The following ANKRD22 variants were observed in gnomAD, a reference collection of about 807,000 sequenced individuals.
ANKRD22 encodes the protein ankyrin repeat domain 22.
ANKRD22 carries 24 observed loss-of-function variants against 25.7 expected under a neutral mutation model. The ratio of observed to expected loss-of-function variants is 0.93; its 90% CI spans 0.68 to 1.31. The LOEUF (loss-of-function observed/expected upper bound fraction) is 1.31. Ranked by LOEUF, ANKRD22 falls within the 50% of genes most tolerant of loss-of-function variation. The probability of loss-of-function intolerance (pLI) is 0.00; values close to 1 mark genes in which losing one functional copy is unlikely to be tolerated. For synonymous variants in ANKRD22, 84 were observed against 84.3 expected (o/e 1.00, Z 0.02); for missense variants, 214 against 227.1 (o/e 0.94, Z 0.37).
chr10:88,834,970 G>C (rs1020063279), intron 1 of ANKRD22, among the ~76,000 whole-genome samples: 2 of 152,042 alleles, frequency 1.3e-5, no homozygotes, highest in Admixed American at 1.3e-4. Context: ...AGAAAGTTTT[G>C]CTAACACTGG....
chr10:88,831,245 CTT>C (rs545028620), intron 2 of ANKRD22, among the ~76,000 whole-genome samples: 13 of 152,204 alleles, frequency 8.5e-5, no homozygotes, highest in Non-Finnish European at 1.9e-4. Flanking sequence ...CACACATATT[CTT>C]CTCTTTCTTG....
intron 1 of ANKRD22, among the ~76,000 whole-genome samples, chr10:88,832,532 A>G (rs1843915739): frequency 1.3e-5 from 2 of 151,928 alleles, no homozygotes; most frequent in South Asian, 4.1e-4. Context: ...TTTACTAAAG[A>G]TAAAATGTCT....
chr10:88,850,712 T>G (rs1247811526), intron 1 of ANKRD22, among the ~76,000 whole-genome samples: 3 of 152,160 alleles, frequency 2.0e-5, no homozygotes, highest in Non-Finnish European at 4.4e-5. Context: ...CTAAAATCAC[T>G]GAGCAAGACA....
Position 88,820,280 on chromosome 10 carries a change from A to G in ANKRD22, c.*2661T>C. The stretch of plus-strand genomic sequence containing the variant: ...CAGAGATATGACGGTCCCTACAGCA[A>G]TGTGGACAGGAGGTCAGGACTGGCT... On this transcript the variant is annotated 3_prime_UTR_variant, in exon 6 of 6. Transcript: ENST00000371930. 4 of 1,551,988 alleles carry G rather than the reference A, an allele frequency of 2.6e-6. No homozygotes were observed. Among genetic ancestry groups the G allele is most frequent in the African/African-American group, 1.4e-5 (1 of 73,174 alleles).
chr10:88,825,013 ACAC>A (rs1843840707), intron 4 of ANKRD22, among the ~76,000 whole-genome samples: 1 of 74,978 alleles, frequency 1.3e-5, no homozygotes, highest in Admixed American at 1.5e-4. Flanking sequence ...TCTCTCTCTC[ACAC>A]ACACACACAC....
At position 88,821,037 on chromosome 10, in the gene ANKRD22, C is replaced by A. The variant is rs1843787661; in HGVS notation, c.*1904G>T. Among the ~76,000 whole-genome samples, 1 of 152,042 alleles carries A rather than the reference C, an allele frequency of 6.6e-6. No homozygotes were observed. The highest frequency in any genetic ancestry group is 2.4e-5 in the African/African-American group (1 of 41,394). On this transcript the variant is annotated 3_prime_UTR_variant, in exon 6 of 6. Transcript: ENST00000371930. Reference sequence around the variant, plus strand: ...TATGTTAAGCATTCTCAGAATAAGGCCAAGTTTTATAGTTGCATCTCAGGG... The same window carrying A: ...TATGTTAAGCATTCTCAGAATAAGGACAAGTTTTATAGTTGCATCTCAGGG...
Position 88,826,769 on chromosome 10 carries a change from C to T in ANKRD22, c.322-654G>A, listed in dbSNP as rs1003462261. Among the ~76,000 whole-genome samples the T allele has an allele frequency of 7.9e-5, 12 of 152,240 alleles. No individual in the cohort carries two copies. The South Asian group carries it at 1.7e-3, about 21-fold the overall frequency. ...CCCTCTTTTTTAGCTATCCTAACAC[C>T]AGTCGCCTTTCTGTATCACCCGCTT... On this transcript the variant is annotated intron_variant, in intron 3 of 5. Coordinates refer to ENST00000371930, the MANE Select transcript of ANKRD22 (RefSeq NM_144590.3).
chr10:88,839,324 A>G (rs1843983287), intron 1 of ANKRD22, among the ~76,000 whole-genome samples: 1 of 152,110 alleles, frequency 6.6e-6, no homozygotes, highest in Non-Finnish European at 1.5e-5. Flanking sequence ...AATGTGCCCA[A>G]GTTCCTAGAA....
In ANKRD22 at chr10:88,831,368, T is replaced by G. The variant is rs17113457; in HGVS notation, c.213+467A>C. ...CATGAGCTTATTTGTCCTTGGTAAATTTCTCAATAGTACTCTTTCATTCTA... is the reference window on the plus strand; with the variant it reads ...CATGAGCTTATTTGTCCTTGGTAAAGTTCTCAATAGTACTCTTTCATTCTA... On this transcript the variant is annotated intron_variant, in intron 2 of 5. Transcript: ENST00000371930. Among the ~76,000 whole-genome samples, 1,584 of 152,320 alleles carry G rather than the reference T, an allele frequency of 0.01. 54 individuals are homozygous for G. The East Asian group carries it at 0.15, about 14-fold the overall frequency.
chr10:88,839,283 A>T (rs1040797658), intron 1 of ANKRD22, among the ~76,000 whole-genome samples: 3 of 152,040 alleles, frequency 2.0e-5, no homozygotes, highest in Non-Finnish European at 4.4e-5. Context: ...TATCTTTTTA[A>T]ATTGCACTAA....
intron 1 of ANKRD22, among the ~76,000 whole-genome samples, chr10:88,847,489 C>A (rs1423513248): frequency 6.6e-6 from 1 of 152,038 alleles, no homozygotes; most frequent in African/African-American, 2.4e-5. Context: ...AAACTCCCAA[C>A]CTCAGGTGAT....
intron 3 of ANKRD22, 52 bp from the exon 4 acceptor site, chr10:88,826,167 AT>A: frequency 1.4e-6 from 2 of 1,447,044 alleles, no homozygotes; most frequent in Non-Finnish European, 1.9e-6. Flanking sequence ...AGTTTCTCCA[AT>A]TTATGCCTGA....
chr10:88,847,589 A>G (rs566642872), intron 1 of ANKRD22, among the ~76,000 whole-genome samples: 1 of 152,192 alleles, frequency 6.6e-6, no homozygotes, highest in South Asian at 2.1e-4. Flanking sequence ...CAGACATTTT[A>G]TACCTATACC....
chr10:88,846,604 A>G (rs1046510171), intron 1 of ANKRD22, among the ~76,000 whole-genome samples: 1 of 152,174 alleles, frequency 6.6e-6, no homozygotes, highest in Non-Finnish European at 1.5e-5. Flanking sequence ...GTCCCTGGTG[A>G]CCCATGCCTT....
intron 1 of ANKRD22, among the ~76,000 whole-genome samples, chr10:88,836,638 T>C (rs146585002): frequency 6.6e-6 from 1 of 152,154 alleles, no homozygotes; most frequent in Non-Finnish European, 1.5e-5. Context: ...GCTACAAGAC[T>C]TCGCATTTGA....
At chr10:88,824,989 T>G in intron 4 of ANKRD22, among the ~76,000 whole-genome samples, 1 of 91,814 alleles carries the variant, frequency 1.1e-5, no homozygotes, top group East Asian at 2.5e-4. Flanking sequence ...TCTTTTGCTC[T>G]CTCTCTCTCT....
intron 1 of ANKRD22, among the ~76,000 whole-genome samples, chr10:88,849,428 A>C (rs1049298829): frequency 6.6e-6 from 1 of 152,196 alleles, no homozygotes; most frequent in Non-Finnish European, 1.5e-5. Flanking sequence ...ATCTGTTGAA[A>C]TAACAAGTAG....
At position 88,851,494 on chromosome 10, in the gene ANKRD22, C is replaced by G. The variant is rs1269901783; in HGVS notation, c.21+93G>C. On this transcript the variant is annotated intron_variant, in intron 1 of 5. Coordinates refer to ENST00000371930, the MANE Select transcript of ANKRD22 (RefSeq NM_144590.3). ...CCCCCAGGGAGTTGAACAGACAAAA[C>G]AGAAATATATTAACAGGGATAGAAA... is the stretch of plus-strand genomic sequence containing the variant. 6 of 1,452,252 alleles carry G rather than the reference C, an allele frequency of 4.1e-6. No homozygotes were observed. The East Asian group carries it at 9.1e-5, about 22-fold the overall frequency. The allele number at this position is 1,452,252 out of a possible 1,614,324, so 90.0% of individuals were successfully genotyped here.
chr10:88,828,397 A>G (rs1977537), intron 3 of ANKRD22, among the ~76,000 whole-genome samples, 162 bp downstream of exon 3: 131,678 of 151,932 alleles, frequency 0.87, 57,588 homozygotes, highest in East Asian at 1. Flanking sequence ...CTGTACTTCA[A>G]TTATAGCATT....
Sources: allele counts gnomAD v4.1 joint callset (sites outside exome capture counted in the v4.1 genomes callset), GRCh38; gene constraint gnomAD v4.1.1; transcripts MANE v1.5; gene names NCBI Gene and HGNC (gene_info 2026-07-23, HGNC 2026-07-21).